STC2: variants seen among roughly 807,000 people sequenced by gnomAD.
STC2 encodes the protein stanniocalcin 2, also known as stanniocalcin-2.
Under a neutral mutation model 22.7 loss-of-function variants are expected in STC2, and 7 were observed. The observed-to-expected ratio is 0.31, with a 90% CI of 0.18 to 0.58. The LOEUF is 0.58. STC2 is among the 20% of genes least tolerant of loss of function. The probability of loss-of-function intolerance (pLI) is 0.89; values close to 1 mark genes in which losing one functional copy is unlikely to be tolerated. For synonymous variants in STC2, 158 were observed against 163.4 expected, an observed-to-expected ratio of 0.97 and a Z score of 0.25; for missense variants, 336 against 406.2, an observed-to-expected ratio of 0.83 and a Z score of 1.48.
At chr5:173,320,889 T>C (rs1360129015) in intron 3 of STC2, among the ~76,000 whole-genome samples, 4 of 150,194 alleles carry the variant, frequency 2.7e-5, no homozygotes, top group African/African-American at 2.5e-5. Flanking sequence ...CTTTAATCAG[T>C]TAAGATGGTT....
chr5:173,324,273 G>A (rs1193733193), intron 2 of STC2: 1 of 152,274 alleles, frequency 6.6e-6, no homozygotes, highest in Non-Finnish European at 1.5e-5. Context: ...AGGCGAGCTC[G>A]GTGCTGCTCC....
chr5:173,315,791 A>G lies in STC2; in HGVS notation c.*2056T>C, dbSNP rs1468457609. 1 of 152,200 alleles carries G rather than the reference A, an allele frequency of 6.6e-6. No individual in the cohort carries two copies. The highest frequency in any genetic ancestry group is 1.5e-5 in the Non-Finnish European group (1 of 68,062). 9.4% of individuals were successfully genotyped at this position (152,200 alleles called of 1,614,324 possible). A position where few individuals can be genotyped will look rare whatever the true frequency, so the allele number is the denominator to read the frequency against. ...CTGACACACAGGTCCTCCTCCCCCCAAGGGCAGAGCTGGATTAAGTGCACC... is the reference window on the plus strand; with the variant it reads ...CTGACACACAGGTCCTCCTCCCCCCGAGGGCAGAGCTGGATTAAGTGCACC... On this transcript the variant is annotated 3_prime_UTR_variant, in exon 4 of 4. Coordinates refer to ENST00000265087, the MANE Select transcript of STC2 (RefSeq NM_003714.3).
chr5:173,327,266 G>A (rs1762559918), intron 1 of STC2, among the ~76,000 whole-genome samples: 1 of 152,268 alleles, frequency 6.6e-6, no homozygotes, highest in Admixed American at 6.5e-5. Context: ...CGGGGGAGGG[G>A]TCGTGGAGCG....
In STC2 at chr5:173,315,652, G is replaced by A. The variant is rs1031197376; in HGVS notation, c.*2195C>T. 6.6e-6 allele frequency: 1 copy of A among 152,252 alleles called. No homozygotes were observed. The highest frequency in any genetic ancestry group is 1.5e-5 in the Non-Finnish European group (1 of 68,042). The allele number at this position is 152,252 out of a possible 1,614,324, so 9.4% of individuals were successfully genotyped here. On this transcript the variant is annotated 3_prime_UTR_variant, in exon 4 of 4. Transcript: ENST00000265087. ...AATGAACAGCTGACTCAGCAACGCAGGAGAATGTTATTGCTTTAGCTTTTG... is the reference window on the plus strand; with the variant it reads ...AATGAACAGCTGACTCAGCAACGCAAGAGAATGTTATTGCTTTAGCTTTTG...
rs1762434868 is a variant in STC2 at position 173,317,545 on chromosome 5, A to C, written c.*302T>G. 1.4e-5 allele frequency: 3 copies of C among 209,336 alleles called. No homozygotes were observed. In the South Asian group the frequency reaches 4.6e-4, roughly 32 times the overall value. 13.0% of individuals were successfully genotyped at this position (209,336 alleles called of 1,614,324 possible). A position where few individuals can be genotyped will look rare whatever the true frequency, so the allele number is the denominator to read the frequency against. The stretch of plus-strand genomic sequence containing the variant: ...CCCTCCCTGGTTCACCTCCCCCACA[A>C]CAGAGCGGCCGACACCCACTGACTC... On this transcript the variant is annotated 3_prime_UTR_variant, in exon 4 of 4. Coordinates refer to ENST00000265087, the MANE Select transcript of STC2 (RefSeq NM_003714.3).
intron 3 of STC2, among the ~76,000 whole-genome samples, chr5:173,320,936 G>C (rs1166122550): frequency 6.6e-6 from 1 of 151,908 alleles, no homozygotes; most frequent in African/African-American, 2.4e-5. Flanking sequence ...AGTTCAGCTA[G>C]AAGTACAAGT....
Position 173,319,139 on chromosome 5 carries a change from C to T in STC2, c.507-890G>A, listed in dbSNP as rs112737959. Among the ~76,000 whole-genome samples, 580 of 152,294 alleles carry T rather than the reference C, an allele frequency of 3.8e-3. 5 individuals carry two copies. The highest frequency in any genetic ancestry group is 0.013 in the African/African-American group (559 of 41,542). ...GCAGAGCCAGTTCCTCAGGCCATTC[C>T]GGTTGTCTTGGGTTGTTCTGTAGGA... On this transcript the variant is annotated intron_variant, in intron 3 of 3. Transcript: ENST00000265087.
chr5:173,319,449 C>T (rs1762462001), intron 3 of STC2, among the ~76,000 whole-genome samples: 2 of 152,214 alleles, frequency 1.3e-5, no homozygotes, highest in African/African-American at 4.8e-5. Flanking sequence ...TCACCTTGAG[C>T]AGGGAAGTCA....
chr5:173,316,327 TG>T lies in STC2; in HGVS notation c.*1519del, dbSNP rs1581137126. ...AACTGAAAGTACTGGATTCAGTATCTGGCCCTTTGCAGACAATGTTTGCTGA... is the reference window on the plus strand; with the variant it reads ...AACTGAAAGTACTGGATTCAGTATCTGCCCTTTGCAGACAATGTTTGCTGA... On this transcript the variant is annotated 3_prime_UTR_variant, in exon 4 of 4. Transcript: ENST00000265087. 6.6e-6 allele frequency: 1 copy of T among 152,078 alleles called. No homozygotes were observed. Among genetic ancestry groups the T allele is most frequent in the East Asian group, 1.9e-4 (1 of 5,148 alleles). The allele number at this position is 152,078 out of a possible 1,614,324, so 9.4% of individuals were successfully genotyped here. A position where few individuals can be genotyped will look rare whatever the true frequency, so the allele number is the denominator to read the frequency against.
In STC2 at chr5:173,317,829, G is replaced by A. The variant is rs748809585; in HGVS notation, c.*18C>T. 14 of 1,531,072 alleles carry A rather than the reference G, an allele frequency of 9.1e-6. No homozygotes were observed. The highest frequency in any genetic ancestry group is 6.9e-5 in the East Asian group (3 of 43,742). The allele number at this position is 1,531,072 out of a possible 1,614,324, so 94.8% of individuals were successfully genotyped here. A position where few individuals can be genotyped will look rare whatever the true frequency, so the allele number is the denominator to read the frequency against. ...ATGGACGGCGTGGAGGAAAGATTTC[G>A]TGGCCAGGCCTTTCATTTCACCTCC... On this transcript the variant is annotated 3_prime_UTR_variant, in exon 4 of 4. Transcript: ENST00000265087.
rs1199878485 is a variant in STC2 at position 173,325,351 on chromosome 5, G to C, written c.294+517C>G. Among the ~76,000 whole-genome samples, 4 of 152,224 alleles carry C rather than the reference G, an allele frequency of 2.6e-5. No individual in the cohort carries two copies. The highest frequency in any genetic ancestry group is 9.7e-5 in the African/African-American group (4 of 41,444). ...ATTTATCATATAGAGCAAAAGGAAA[G>C]TGTGGAACTGAAGGACTCAATCAGG... On this transcript the variant is annotated intron_variant, in intron 2 of 3. Transcript: ENST00000265087. The surrounding 1 kb of genome is among the most constrained non-coding windows in gnomAD (Gnocchi z 4.7).
intron 3 of STC2, among the ~76,000 whole-genome samples, chr5:173,319,063 T>C (rs539114774): frequency 6.6e-6 from 1 of 152,286 alleles, no homozygotes; most frequent in African/African-American, 2.4e-5. Flanking sequence ...GGCCCCTGTG[T>C]CTGGACTGAG....
intron 3 of STC2, among the ~76,000 whole-genome samples, chr5:173,320,139 G>C (rs1168979607): frequency 1.3e-5 from 2 of 152,236 alleles, no homozygotes; most frequent in Non-Finnish European, 2.9e-5. Context: ...GCAGGGGTGA[G>C]GGTCTGTCTT....
rs1762514263 is a variant in STC2, at chr5:173,323,814, T to C, written c.295-384A>G. On this transcript the variant is annotated intron_variant, in intron 2 of 3. Transcript: ENST00000265087. The surrounding 1 kb of genome is among the most constrained non-coding windows in gnomAD (Gnocchi z 5.4). ...CAAAGGGAATTTGGCCAGACACAAA[T>C]CCATAAATCCCTCACGGTTCTCACA... 6.6e-6 allele frequency among the ~76,000 whole-genome samples: 1 copy of C among 152,090 alleles called. No individual in the cohort carries two copies. Among genetic ancestry groups the C allele is most frequent in the African/African-American group, 2.4e-5 (1 of 41,392 alleles).
At chr5:173,327,732 G>T (rs1460714184) in intron 1 of STC2, among the ~76,000 whole-genome samples, 4 of 152,348 alleles carry the variant, frequency 2.6e-5, no homozygotes, top group East Asian at 1.9e-4. Flanking sequence ...ACCGGACCCG[G>T]GATTCGGGGG....
In STC2 at chr5:173,318,028, C is replaced by T; in HGVS notation, c.728G>A (p.Gly243Glu). 1 of 1,612,480 alleles carries T rather than the reference C, an allele frequency of 6.2e-7. No homozygotes were observed. The highest frequency in any genetic ancestry group is 8.5e-7 in the Non-Finnish European group (1 of 1,179,458). Residue 243 changes from glycine (G) to glutamate (E), a missense_variant, in exon 4 of 4, where the codon GGA (glycine) becomes GAA (glutamate). Physicochemically the swap from Gly to Glu is moderately conservative, Grantham distance 98 (BLOSUM62 -2). Around this residue, in one of 3 missense-constraint regions of STC2, gnomAD observed 215 missense variants for 231.5 expected, o/e 0.93. Transcript: ENST00000265087. Reference protein sequence around the residue: ...KLSRAHHGEAGHHLPEPSSRE... With the variant: ...KLSRAHHGEAEHHLPEPSSRE... The stretch of plus-strand genomic sequence containing the variant: ...ACTGCTGGGCTCTGGGAGGTGATGT[C>T]CTGCTTCCCCGTGGTGGGCCCTGGA...
At chr5:173,320,830 G>A (rs1468942680) in intron 3 of STC2, among the ~76,000 whole-genome samples, 1 of 147,428 alleles carries the variant, frequency 6.8e-6, no homozygotes, top group Non-Finnish European at 1.5e-5. Flanking sequence ...TTTGACCAAT[G>A]CCACACATTT....
chr5:173,322,557 A>T (rs1450698093), intron 3 of STC2, among the ~76,000 whole-genome samples: 2 of 152,352 alleles, frequency 1.3e-5, no homozygotes, highest in Admixed American at 1.3e-4. Flanking sequence ...CTAATGTATG[A>T]GAGAAGGTAA....
Position 173,322,206 on chromosome 5 carries a change from G to A in STC2, c.506+1013C>T, listed in dbSNP as rs189013517. Among the ~76,000 whole-genome samples the A allele has an allele frequency of 7.9e-5, 12 of 152,272 alleles. No individual in the cohort carries two copies. The East Asian group carries it at 2.1e-3, about 27-fold the overall frequency. ...GAGTCACCGTGGAGAGACCAACAGT[G>A]CCATCAAACTGGTAATGACTTGTAC... On this transcript the variant is annotated intron_variant, in intron 3 of 3. Transcript: ENST00000265087.
Sources: allele counts gnomAD v4.1 joint callset (sites outside exome capture counted in the v4.1 genomes callset), GRCh38; gene constraint gnomAD v4.1.1; regional missense constraint gnomAD v4.1.1; non-coding constraint Gnocchi (gnomAD v3.1); transcripts MANE v1.5; gene names NCBI Gene and HGNC (gene_info 2026-07-23, HGNC 2026-07-21).